The following TMTC2 variants were observed in gnomAD, a reference collection of about 807,000 sequenced individuals.
TMTC2 encodes protein O-mannosyl-transferase TMTC2.
Under a neutral mutation model 82.4 loss-of-function variants are expected in TMTC2, and 43 were observed. The observed-to-expected ratio is 0.52, with a 90% CI of 0.41 to 0.67. The LOEUF (loss-of-function observed/expected upper bound fraction) is 0.67, where lower values mean the gene tolerates loss of function less well. Among genes scored for constraint, TMTC2 ranks in the 30% least tolerant of loss-of-function variants. TMTC2 has a pLI of 0.00. For missense variants in TMTC2, 919 were observed against 1,012.4 expected, an observed-to-expected ratio of 0.91 and a Z score of 1.25; for synonymous variants, 408 against 381.9, an observed-to-expected ratio of 1.07 and a Z score of -0.80.
intron 3 of TMTC2, among the ~76,000 whole-genome samples, chr12:82,928,624 G>A (rs1483598388): frequency 2.0e-5 from 3 of 152,196 alleles, no homozygotes; most frequent in Non-Finnish European, 2.9e-5. Context: ...AGGCAGAGGG[G>A]AGAAAAAGTT....
intron 1 of TMTC2, among the ~76,000 whole-genome samples, chr12:82,710,264 C>T (rs1873560446): frequency 6.6e-6 from 1 of 152,166 alleles, no homozygotes; most frequent in Non-Finnish European, 1.5e-5. Context: ...ATGTCTGTGT[C>T]CAGACATCTT....
At chr12:82,930,312 C>A in intron 3 of TMTC2, 119 bp from the exon 4 acceptor site, 1 of 555,816 alleles carries the variant, frequency 1.8e-6, no homozygotes, top group South Asian at 3.0e-5. Flanking sequence ...ATACATTTTC[C>A]TTCTTAAAAA....
At chr12:82,845,245 AAAAAAAAAT>A (rs1870582998) in intron 1 of TMTC2, among the ~76,000 whole-genome samples, 2 of 129,136 alleles carry the variant, frequency 1.5e-5, no homozygotes, top group African/African-American at 6.4e-5. Flanking sequence ...AAAAAAAAAA[AAAAAAAAAT>A]ATATATATAT....
intron 11 of TMTC2, among the ~76,000 whole-genome samples, chr12:83,124,864 G>C (rs1315732358): frequency 6.6e-6 from 1 of 152,126 alleles, no homozygotes; most frequent in African/African-American, 2.4e-5. Context: ...GGAATAAAAA[G>C]AAACTGAAGA....
intron 11 of TMTC2, among the ~76,000 whole-genome samples, chr12:83,103,146 G>A (rs1884280073): frequency 6.6e-6 from 1 of 152,210 alleles, no homozygotes. Context: ...GTCACCTGTA[G>A]AAGTGACCTG....
At chr12:82,822,869 G>T (rs932055236) in intron 1 of TMTC2, among the ~76,000 whole-genome samples, 2 of 152,132 alleles carry the variant, frequency 1.3e-5, no homozygotes, top group African/African-American at 4.8e-5. Flanking sequence ...CACTTTCCAC[G>T]TGGTAGTCTA....
At chr12:83,055,270 CT>C (rs1882496631) in intron 10 of TMTC2, among the ~76,000 whole-genome samples, 1 of 152,002 alleles carries the variant, frequency 6.6e-6, no homozygotes. Flanking sequence ...TGGCTTCTGC[CT>C]TGCTTGAGAA....
chr12:83,031,524 G>A (rs577202862), intron 9 of TMTC2, among the ~76,000 whole-genome samples: 2 of 152,312 alleles, frequency 1.3e-5, no homozygotes, highest in South Asian at 2.1e-4. Flanking sequence ...TGTGTAAGAT[G>A]TGCTTATTTC....
intron 7 of TMTC2, among the ~76,000 whole-genome samples, chr12:82,974,964 T>G (rs1277748859): frequency 1.3e-5 from 2 of 152,076 alleles, no homozygotes; most frequent in East Asian, 3.9e-4. Flanking sequence ...TTTCTAGATT[T>G]TATGCCCTGC....
At chr12:82,956,783 T>TA (rs780356829) in intron 4 of TMTC2, among the ~76,000 whole-genome samples, 14 of 151,808 alleles carry the variant, frequency 9.2e-5, no homozygotes, top group Non-Finnish European at 1.3e-4. Flanking sequence ...TGAGCATAAG[T>TA]AAAAAAAGTA....
chr12:82,957,418 C>T (rs922860468), intron 4 of TMTC2, among the ~76,000 whole-genome samples: 3 of 152,096 alleles, frequency 2.0e-5, no homozygotes, highest in Admixed American at 2.0e-4. Context: ...CAAATGCCTA[C>T]CTCAAAAGGC....
chr12:82,970,901 A>G (rs186761525), intron 7 of TMTC2, among the ~76,000 whole-genome samples: 15 of 152,308 alleles, frequency 9.8e-5, no homozygotes, highest in Non-Finnish European at 1.6e-4. Flanking sequence ...GGTTTCATTA[A>G]TAGAGTGCTT....
chr12:83,015,459 GTGA>G, intron 8 of TMTC2, among the ~76,000 whole-genome samples: 1 of 152,286 alleles, frequency 6.6e-6, no homozygotes, highest in African/African-American at 2.4e-5. Context: ...TCTGCACAAT[GTGA>G]TGAAGAGCAT....
At chr12:83,099,073 T>C (rs1399210678) in intron 11 of TMTC2, among the ~76,000 whole-genome samples, 1 of 152,232 alleles carries the variant, frequency 6.6e-6, no homozygotes, top group Non-Finnish European at 1.5e-5. Flanking sequence ...TGCTGGGAAA[T>C]AATGCTTTTT....
chr12:82,937,352 C>T (rs1365640303), intron 4 of TMTC2, among the ~76,000 whole-genome samples: 1 of 152,068 alleles, frequency 6.6e-6, no homozygotes, highest in Non-Finnish European at 1.5e-5. Flanking sequence ...CAATCTCTGA[C>T]TTCATTGTCA....
chr12:82,899,628 A>G lies in TMTC2; in HGVS notation c.1483+2982A>G, dbSNP rs1175138034. Among the ~76,000 whole-genome samples the G allele has an allele frequency of 4.5e-5, 6 of 132,930 alleles. No homozygotes were observed. In the East Asian group the frequency reaches 6.7e-4, roughly 15 times the overall value. 87.2% of individuals were successfully genotyped at this position (132,930 alleles called of 152,430 possible). On this transcript the variant is annotated intron_variant, in intron 3 of 11. Transcript: ENST00000321196. ...GGAATATATATATATAAGAATATAT[A>G]TATGTGGAATATATATATATAAGAA...
At chr12:82,816,258 T>TA (rs1313907786) in intron 1 of TMTC2, among the ~76,000 whole-genome samples, 1 of 151,878 alleles carries the variant, frequency 6.6e-6, no homozygotes, top group African/African-American at 2.4e-5. Context: ...TGGGAAAACC[T>TA]AAATCATTTC....
At chr12:82,998,421 A>G (rs1049608212) in intron 8 of TMTC2, among the ~76,000 whole-genome samples, 1 of 152,212 alleles carries the variant, frequency 6.6e-6, no homozygotes, top group East Asian at 1.9e-4. Flanking sequence ...GCATTTAAGG[A>G]TGTATATGTA....
intron 1 of TMTC2, among the ~76,000 whole-genome samples, chr12:82,806,809 G>C (rs1218944106): frequency 1.3e-5 from 2 of 152,078 alleles, no homozygotes; most frequent in African/African-American, 2.4e-5. Context: ...AGGAAGAAGA[G>C]GGGGGTTGGT....
Sources: allele counts gnomAD v4.1 joint callset (sites outside exome capture counted in the v4.1 genomes callset), GRCh38; gene constraint gnomAD v4.1.1; transcripts MANE v1.5; gene names NCBI Gene and HGNC (gene_info 2026-07-23, HGNC 2026-07-21).